The following USP31 variants were observed in gnomAD, a reference collection of about 807,000 sequenced individuals.
USP31 encodes the protein ubiquitin specific peptidase 31.
Under a neutral mutation model 119.4 loss-of-function variants are expected in USP31, and 44 were observed. The ratio of observed to expected loss-of-function variants is 0.37; its 90% CI spans 0.29 to 0.47. The LOEUF is 0.47. Ranked by LOEUF, USP31 falls within the 20% of genes least tolerant of loss-of-function variation. The pLI, the probability that USP31 is intolerant of heterozygous loss-of-function variation, is 0.99. For missense variants in USP31, 1,643 were observed against 1,730.2 expected (o/e 0.95, Z 0.89); for synonymous variants, 749 against 705.6 (o/e 1.06, Z -0.97).
intron 7 of USP31, among the ~76,000 whole-genome samples, chr16:23,089,736 T>G (rs776284748): frequency 1.4e-4 from 21 of 152,182 alleles, no homozygotes; most frequent in Admixed American, 9.2e-4. Flanking sequence ...AAAGATAGTC[T>G]AAAACACCCA....
At chr16:23,136,163 A>G (rs1186072794) in intron 1 of USP31, among the ~76,000 whole-genome samples, 1 of 152,226 alleles carries the variant, frequency 6.6e-6, no homozygotes, top group East Asian at 1.9e-4. Flanking sequence ...GCAAAAGAAT[A>G]AAGTTGGACC....
rs1900178445 is a variant in USP31, at chr16:23,068,357, G to C, written c.3748C>G (p.Leu1250Val). Residue 1250 changes from leucine (L) to valine (V), a missense_variant, in exon 16 of 16, where the codon CTC (leucine) becomes GTC (valine). Around this residue, in one of 5 missense-constraint regions of USP31, gnomAD observed 699 missense variants for 650.9 expected, o/e 1.07. Transcript: ENST00000219689. ...GAGCTCCCACCAGCCTTTTTAGAGAGCAAGGCTGTCTTGCCAAGATCCGTC... is the reference window on the plus strand; with the variant it reads ...GAGCTCCCACCAGCCTTTTTAGAGACCAAGGCTGTCTTGCCAAGATCCGTC... ...RSTDLGKTAL[L>V]SKKAGGSSVK... 5 of 1,614,072 alleles carry C rather than the reference G, an allele frequency of 3.1e-6. No homozygotes were observed. The highest frequency in any genetic ancestry group is 4.2e-6 in the Non-Finnish European group (5 of 1,180,038).
At chr16:23,121,836 G>A (rs1902679209) in intron 1 of USP31, among the ~76,000 whole-genome samples, 1 of 152,110 alleles carries the variant, frequency 6.6e-6, no homozygotes, top group South Asian at 2.1e-4. Context: ...TTTGAAATAG[G>A]TAACTACTGA....
chr16:23,106,626 G>A, intron 2 of USP31, 139 bp from the exon 3 acceptor site: 1 of 824,082 alleles, frequency 1.2e-6, no homozygotes, highest in South Asian at 1.8e-5. Context: ...ACGGGCACCT[G>A]CTAAAGGAGC....
At chr16:23,098,617 C>A (rs1427306256) in intron 6 of USP31, among the ~76,000 whole-genome samples, 4 of 152,208 alleles carry the variant, frequency 2.6e-5, no homozygotes, top group Middle Eastern at 3.4e-3. Context: ...CTGGTACCAA[C>A]ACAGAGATAT....
At chr16:23,073,160 G>T (rs780258725) in intron 14 of USP31, among the ~76,000 whole-genome samples, 40 of 152,022 alleles carry the variant, frequency 2.6e-4, no homozygotes, top group Non-Finnish European at 5.0e-4. Flanking sequence ...CAACAGGCTG[G>T]ATGTCATCCG....
chr16:23,147,448 G>C (rs1466095447), intron 1 of USP31, among the ~76,000 whole-genome samples: 1 of 152,124 alleles, frequency 6.6e-6, no homozygotes, highest in Non-Finnish European at 1.5e-5. Flanking sequence ...TGTCCCACCT[G>C]AAAGTATCCC....
At position 23,068,896 on chromosome 16, in the gene USP31, G is replaced by A. The variant is rs767790975; in HGVS notation, c.3209C>T (p.Pro1070Leu). Residue 1070 changes from proline to leucine, a missense_variant, in exon 16 of 16, where the codon CCC (proline) becomes CTC (leucine). By Grantham distance (98) the Pro-to-Leu change is moderately conservative (BLOSUM62 -3). This residue lies in a region of USP31 where 699 missense variants were observed against 650.9 expected (regional missense o/e 1.07). Coordinates refer to ENST00000219689, the MANE Select transcript of USP31 (RefSeq NM_020718.4). Reference protein sequence around the residue: ...SPLPVKVSLKPSRSRSKADSS... With the variant: ...SPLPVKVSLKLSRSRSKADSS... ...ATCTGCTTTGCTGCGGGAGCGGGAGGGCTTTAGAGAGACTTTTACAGGAAG... is the reference window on the plus strand; with the variant it reads ...ATCTGCTTTGCTGCGGGAGCGGGAGAGCTTTAGAGAGACTTTTACAGGAAG... 2 of 1,607,276 alleles carry A rather than the reference G, an allele frequency of 1.2e-6. No individual in the cohort carries two copies. The highest frequency in any genetic ancestry group is 1.7e-6 in the Non-Finnish European group (2 of 1,176,928).
In USP31 at chr16:23,064,480, A is replaced by T. The variant is rs571277388; in HGVS notation, c.*3566T>A. On this transcript the variant is annotated 3_prime_UTR_variant, in exon 16 of 16. Transcript: ENST00000219689. ...CACATCCGTCTCATACAAACATAAG[A>T]TGACCCAATGTTAACGTAAAGTGAC... 1 of 152,298 alleles carries T rather than the reference A, an allele frequency of 6.6e-6. No homozygotes were observed. The highest frequency in any genetic ancestry group is 2.1e-4 in the South Asian group (1 of 4,828). 9.4% of individuals were successfully genotyped at this position (152,298 alleles called of 1,614,324 possible).
At chr16:23,142,314 T>C (rs969033681) in intron 1 of USP31, among the ~76,000 whole-genome samples, 1 of 152,208 alleles carries the variant, frequency 6.6e-6, no homozygotes, top group Non-Finnish European at 1.5e-5. Context: ...CTGAAAGGAA[T>C]GTGTTTTAAG....
Position 23,080,177 on chromosome 16 carries a change from G to A in USP31, c.1951-6C>T. The A allele has an allele frequency of 6.5e-7, 1 of 1,528,796 alleles. No individual in the cohort carries two copies. The highest frequency in any genetic ancestry group is 1.3e-5 in the South Asian group (1 of 76,742). 94.7% of individuals were successfully genotyped at this position (1,528,796 alleles called of 1,614,324 possible). A position where few individuals can be genotyped will look rare whatever the true frequency, so the allele number is the denominator to read the frequency against. On this transcript the variant is annotated splice_polypyrimidine_tract_variant and splice_region_variant and intron_variant, in intron 12 of 15. Coordinates refer to ENST00000219689, the MANE Select transcript of USP31 (RefSeq NM_020718.4). ...TTCATGCGCCTGTCTCCTTCCTGTT[G>A]CAAGAAGAAAAACAAGTTCTGGTGA...
intron 8 of USP31, 68 bp from the exon 9 acceptor site, chr16:23,087,254 T>C (rs1901151267): frequency 9.5e-6 from 13 of 1,372,116 alleles, no homozygotes; most frequent in African/African-American, 2.9e-5. Flanking sequence ...ACAGTGGCAT[T>C]TCCAAAACAG....
intron 7 of USP31, among the ~76,000 whole-genome samples, chr16:23,088,829 AACAG>A (rs1423222129): frequency 1.3e-5 from 2 of 152,252 alleles, no homozygotes; most frequent in African/African-American, 2.4e-5. Context: ...TAGTAGCGCA[AACAG>A]ACAATGTCTA....
In USP31 at chr16:23,136,745, A is replaced by G. The variant is rs1276301734; in HGVS notation, c.633+11893T>C. Among the ~76,000 whole-genome samples the G allele has an allele frequency of 9.2e-5, 14 of 152,352 alleles. No homozygotes were observed. In the South Asian group the frequency reaches 2.7e-3, roughly 29 times the overall value. ...GTAATAGCTGCTATTCATATATCTG[A>G]TAAGAAATTAACATCTAGAATATAT... On this transcript the variant is annotated intron_variant, in intron 1 of 15. Transcript: ENST00000219689.
intron 1 of USP31, among the ~76,000 whole-genome samples, chr16:23,116,325 T>C (rs369130161): frequency 2.0e-4 from 30 of 152,296 alleles, no homozygotes; most frequent in African/African-American, 6.7e-4. Context: ...TGAAATCTGG[T>C]TTATGGGCTG....
At chr16:23,105,930 G>A (rs893736056) in intron 4 of USP31, among the ~76,000 whole-genome samples, 12 of 152,140 alleles carry the variant, frequency 7.9e-5, no homozygotes, top group African/African-American at 2.7e-4. Flanking sequence ...AAGGTCTCTA[G>A]AGAATCCTGA....
At chr16:23,122,131 A>G (rs936050773) in intron 1 of USP31, among the ~76,000 whole-genome samples, 2 of 152,240 alleles carry the variant, frequency 1.3e-5, no homozygotes, top group African/African-American at 4.8e-5. Flanking sequence ...CAACTTGCAT[A>G]TATTTTCCAT....
chr16:23,082,293 G>T (rs903357050), intron 12 of USP31, 145 bp downstream of exon 12: 4 of 1,097,142 alleles, frequency 3.6e-6, no homozygotes, highest in Non-Finnish European at 5.1e-6. Context: ...CCTAAACACA[G>T]GGGCAAAAGT....
chr16:23,102,576 T>C (rs1901927885), intron 5 of USP31, 113 bp from the exon 6 acceptor site: 3 of 1,238,878 alleles, frequency 2.4e-6, no homozygotes, highest in South Asian at 3.5e-5. Flanking sequence ...CTGAGAGACA[T>C]CTCGCAGAGC....
Sources: gnomAD v4.1 joint callset for allele counts (sites outside exome capture counted in the v4.1 genomes callset) on GRCh38, gnomAD v4.1.1 for gene constraint, gnomAD v4.1.1 regional missense constraint, MANE v1.5 for transcripts, NCBI Gene and HGNC (gene_info 2026-07-23, HGNC 2026-07-21) for gene names.